The following UGT1A7 variants were observed in gnomAD, a reference collection of about 807,000 sequenced individuals.
UGT1A7 encodes the protein UDP glucuronosyltransferase family 1 member A7, also known as UDP-glucuronosyltransferase 1A7.
Under a neutral mutation model 45.6 loss-of-function variants are expected in UGT1A7, and 33 were observed. That is an observed-to-expected ratio of 0.72 (90% CI 0.55 to 0.97). The LOEUF (loss-of-function observed/expected upper bound fraction) is 0.97, where lower values mean the gene tolerates loss of function less well. UGT1A7 is among the 50% of genes least tolerant of loss of function. The probability of loss-of-function intolerance (pLI) is 0.00; values close to 1 mark genes in which losing one functional copy is unlikely to be tolerated. For synonymous variants in UGT1A7, 274 were observed against 250.6 expected (o/e 1.09, Z -0.88); for missense variants, 684 against 666.2 (o/e 1.03, Z -0.29).
intron 1 of UGT1A7, chr2:233,729,951 C>A (rs1214180861): frequency 6.2e-7 from 1 of 1,613,942 alleles, no homozygotes; most frequent in East Asian, 2.2e-5. Context: ...ACATGGTCTT[C>A]ATTGGGGGCA....
chr2:233,757,130 G>T (rs368401609), intron 1 of UGT1A7, among the ~76,000 whole-genome samples: 1 of 151,410 alleles, frequency 6.6e-6, no homozygotes, highest in Non-Finnish European at 1.5e-5. Context: ...GAGGAGGAAT[G>T]AGCTTGGACA....
At chr2:233,719,999 T>G (rs1373065524) in intron 1 of UGT1A7, among the ~76,000 whole-genome samples, 1 of 152,178 alleles carries the variant, frequency 6.6e-6, no homozygotes, top group East Asian at 1.9e-4. Context: ...GACACTACAT[T>G]CAGAACTGAT....
chr2:233,768,308 G>A lies in UGT1A7; in HGVS notation c.1164G>A (p.Met388Ile), dbSNP rs751355128. 5 of 1,614,188 alleles carry A rather than the reference G, an allele frequency of 3.1e-6. No homozygotes were observed. The highest frequency in any genetic ancestry group is 3.4e-6 in the Non-Finnish European group (4 of 1,180,050). Residue 388 changes from methionine to isoleucine, a missense_variant, in exon 4 of 5, where the codon ATG (methionine) becomes ATA (isoleucine). By Grantham distance (10) the Met-to-Ile change is conservative. Transcript: ENST00000373426. The stretch of plus-strand genomic sequence containing the variant: ...GCAATGGCGTTCCCATGGTGATGAT[G>A]CCCTTGTTTGGTGATCAGATGGACA... ...SICNGVPMVM[M>I]PLFGDQMDNA...
chr2:233,762,475 C>A (rs1173865347), intron 1 of UGT1A7, among the ~76,000 whole-genome samples: 1 of 152,106 alleles, frequency 6.6e-6, no homozygotes, highest in East Asian at 1.9e-4. Flanking sequence ...ATGGATATCA[C>A]TCCAGTTTTA....
intron 1 of UGT1A7, chr2:233,747,281 A>C: frequency 6.3e-7 from 1 of 1,599,850 alleles, no homozygotes; most frequent in Non-Finnish European, 8.5e-7. Context: ...CTCAGTGCCC[A>C]GCCCTGGGCT....
intron 1 of UGT1A7, among the ~76,000 whole-genome samples, chr2:233,684,397 A>C (rs1054221073): frequency 3.9e-5 from 6 of 152,076 alleles, no homozygotes; most frequent in African/African-American, 1.2e-4. Context: ...ACCAGCCATC[A>C]CTCAGGTATT....
rs996102742 is a variant in UGT1A7 at position 233,755,058 on chromosome 2, G to A, written c.856-11976G>A. The A allele has an allele frequency of 3.7e-6, 5 of 1,333,560 alleles. No homozygotes were observed. In the African/African-American group the frequency reaches 6.0e-5, roughly 16 times the overall value. The allele number at this position is 1,333,560 out of a possible 1,614,324, so 82.6% of individuals were successfully genotyped here. On this transcript the variant is annotated intron_variant, in intron 1 of 4. Transcript: ENST00000373426. The stretch of plus-strand genomic sequence containing the variant: ...GCCTGCGCAGCCGCCCTCCGCCCTC[G>A]CCTCGCCATAGCGGTCATAGATATC...
chr2:233,719,467 A>G (rs1275256399), intron 1 of UGT1A7: 3 of 1,613,820 alleles, frequency 1.9e-6, no homozygotes, highest in South Asian at 1.1e-5. Flanking sequence ...AACATGCTCT[A>G]CCCTCTGGCC....
At chr2:233,737,278 C>T (rs2078858551) in intron 1 of UGT1A7, among the ~76,000 whole-genome samples, 2 of 152,234 alleles carry the variant, frequency 1.3e-5, no homozygotes, top group Admixed American at 1.3e-4. Context: ...CACCCCTCAC[C>T]CAGCCAGGCT....
chr2:233,772,138 AG>A lies in UGT1A7; in HGVS notation c.1296-123del, dbSNP rs1367045628. 6 of 1,548,126 alleles carry A rather than the reference AG, an allele frequency of 3.9e-6. No homozygotes were observed. In the African/African-American group the frequency reaches 8.2e-5, roughly 21 times the overall value. ...TAAAAACAACAACAACAACAATAATAGAAACAGGTTTCCTTTCCCAAGTTTG... is the reference window on the plus strand; with the variant it reads ...TAAAAACAACAACAACAACAATAATAAAACAGGTTTCCTTTCCCAAGTTTG... On this transcript the variant is annotated intron_variant, in intron 4 of 4. Coordinates refer to ENST00000373426, the MANE Select transcript of UGT1A7 (RefSeq NM_019077.3).
At chr2:233,690,816 C>T (rs1482540145) in intron 1 of UGT1A7, 2 of 1,075,496 alleles carry the variant, frequency 1.9e-6, no homozygotes, top group African/African-American at 3.4e-5. Flanking sequence ...TTAGTACAGT[C>T]AAAGCTCACA....
intron 1 of UGT1A7, among the ~76,000 whole-genome samples, chr2:233,726,343 G>T (rs1236966840): frequency 5.3e-5 from 8 of 152,068 alleles, no homozygotes; most frequent in Non-Finnish European, 7.4e-5. Context: ...GTGGTTTTTT[G>T]ATTTATTTAT....
chr2:233,735,494 C>T (rs1320863859), intron 1 of UGT1A7, among the ~76,000 whole-genome samples: 1 of 152,164 alleles, frequency 6.6e-6, no homozygotes, highest in Non-Finnish European at 1.5e-5. Flanking sequence ...TTAATTGCAG[C>T]ATTTAGCCCA....
intron 1 of UGT1A7, among the ~76,000 whole-genome samples, chr2:233,696,927 TA>T (rs2075366048): frequency 6.6e-6 from 1 of 152,164 alleles, no homozygotes; most frequent in Non-Finnish European, 1.5e-5. Flanking sequence ...AATATATCAA[TA>T]AATGCATCAG....
chr2:233,693,217 A>T (rs1044652784), intron 1 of UGT1A7: 1 of 1,614,210 alleles, frequency 6.2e-7, no homozygotes, highest in Non-Finnish European at 8.5e-7. Context: ...AAGAATCCAA[A>T]TACTACACAA....
chr2:233,749,952 C>T (rs1450236503), intron 1 of UGT1A7, among the ~76,000 whole-genome samples: 1 of 151,854 alleles, frequency 6.6e-6, no homozygotes, highest in Non-Finnish European at 1.5e-5. Flanking sequence ...ATTACCGAGT[C>T]TTGGGTATGT....
At chr2:233,740,833 TA>T (rs1691486291) in intron 1 of UGT1A7, 1 of 151,930 alleles carries the variant, frequency 6.6e-6, no homozygotes. Context: ...TGAGACATTT[TA>T]AAAGGAGATT....
intron 1 of UGT1A7, chr2:233,692,324 C>T (rs2125551324): frequency 6.5e-6 from 1 of 153,470 alleles, no homozygotes; most frequent in South Asian, 2.0e-4. Flanking sequence ...TAAACCAAAC[C>T]TAGTAAATAA....
intron 1 of UGT1A7, chr2:233,743,413 C>T: frequency 7.6e-7 from 1 of 1,324,104 alleles, no homozygotes; most frequent in South Asian, 1.2e-5. Context: ...GCCCCCACTT[C>T]CCAGGGAGCC....
Sources: allele counts gnomAD v4.1 joint callset (sites outside exome capture counted in the v4.1 genomes callset), GRCh38; gene constraint gnomAD v4.1.1; transcripts MANE v1.5; gene names NCBI Gene and HGNC (gene_info 2026-07-23, HGNC 2026-07-21).